Variants in SNRPC observed in about 807,000 individuals in gnomAD.
The protein encoded by SNRPC is small nuclear ribonucleoprotein polypeptide C.
A neutral mutation model predicts 20.0 loss-of-function variants in SNRPC; 5 were observed. The ratio of observed to expected loss-of-function variants is 0.25; its 90% confidence interval spans 0.13 to 0.53. The LOEUF is 0.53. Ranked by LOEUF, SNRPC falls within the 20% of genes least tolerant of loss-of-function variation. The pLI, the probability that SNRPC is intolerant of heterozygous loss-of-function variation, is 0.96. For synonymous variants in SNRPC, 61 were observed against 58.7 expected, an observed-to-expected ratio of 1.04 and a Z score of -0.18; for missense variants, 112 against 224.1, an observed-to-expected ratio of 0.50 and a Z score of 3.19.
chr6:34,762,825 G>C, intron 3 of SNRPC, 122 bp downstream of exon 3: 1 of 642,000 alleles, frequency 1.6e-6, no homozygotes, highest in Non-Finnish European at 2.8e-6. Flanking sequence ...TGGATGTGTC[G>C]AATGAAAGAA....
At chr6:34,757,864 G>A (rs1375571187) in intron 1 of SNRPC, 48 bp from the exon 2 acceptor site, 5 of 1,594,696 alleles carry the variant, frequency 3.1e-6, no homozygotes, top group Non-Finnish European at 4.3e-6. Flanking sequence ...CCGTGGATGG[G>A]CATCTCAGTG....
Position 34,768,007 on chromosome 6 carries a change from A to T in SNRPC, c.250+10A>T, listed in dbSNP as rs1348017206. 6.2e-7 allele frequency: 1 copy of T among 1,607,590 alleles called. No homozygotes were observed. The highest frequency in any genetic ancestry group is 1.7e-5 in the Admixed American group (1 of 58,584). ...CCTCCCCCCAGCCTTCGTAAGTTTA[A>T]ACTTTTAATCTTAAGGGGTGTGACG... On this transcript the variant is annotated intron_variant, in intron 4 of 5. Transcript: ENST00000244520.
chr6:34,764,506 C>A (rs1394983041), intron 3 of SNRPC, among the ~76,000 whole-genome samples: 2 of 148,166 alleles, frequency 1.3e-5, no homozygotes, highest in African/African-American at 2.5e-5. Flanking sequence ...CAACAAAAAA[C>A]AAAAAATTCA....
intron 3 of SNRPC, among the ~76,000 whole-genome samples, chr6:34,767,649 A>G (rs1006178357): frequency 3.3e-5 from 5 of 152,178 alleles, no homozygotes; most frequent in African/African-American, 1.2e-4. Context: ...TTTTTGCTCC[A>G]GTCTCCCATA....
intron 2 of SNRPC, 63 bp downstream of exon 2, chr6:34,758,017 T>G: frequency 1.3e-6 from 2 of 1,552,642 alleles, no homozygotes; most frequent in South Asian, 2.4e-5. Context: ...ATGAGTTTTG[T>G]GTTTTTTTTA....
intron 4 of SNRPC, 131 bp from the exon 5 acceptor site, chr6:34,770,160 T>G (rs757257987): frequency 1.4e-6 from 1 of 723,710 alleles, no homozygotes; most frequent in Non-Finnish European, 2.5e-6. Context: ...AGGCAGAGGT[T>G]GTGGTGAGCC....
chr6:34,757,556 G>T lies in SNRPC; in HGVS notation c.8+5G>T. 1 of 1,613,280 alleles carries T rather than the reference G, an allele frequency of 6.2e-7. No homozygotes were observed. The highest frequency in any genetic ancestry group is 8.5e-7 in the Non-Finnish European group (1 of 1,179,248). ...CCTGCAGAGCAACATGCCCAAGTGA[G>T]TGGGGCCCCGAAATCTGAGGGTGAT... On this transcript the variant is annotated splice_donor_5th_base_variant and intron_variant, in intron 1 of 5. Transcript: ENST00000244520.
At chr6:34,767,010 T>C (rs1764622069) in intron 3 of SNRPC, among the ~76,000 whole-genome samples, 1 of 152,166 alleles carries the variant, frequency 6.6e-6, no homozygotes, top group Admixed American at 6.6e-5. Context: ...TGTTTTCTCT[T>C]GTGCTTCATC....
chr6:34,773,166 G>A lies in SNRPC; in HGVS notation c.356-280G>A, dbSNP rs1473609759. ...AGTTTAGGGAACTAGTGTCCCTGGC[G>A]ATTTCTGGAAAGCAGTCTATTAATA... On this transcript the variant is annotated intron_variant, in intron 5 of 5. Transcript: ENST00000244520. The surrounding 1 kb of genome is among the most constrained non-coding windows in gnomAD (Gnocchi z 4.1). Among the ~76,000 whole-genome samples, 1 of 152,132 alleles carries A rather than the reference G, an allele frequency of 6.6e-6. No individual in the cohort carries two copies. Among genetic ancestry groups the A allele is most frequent in the African/African-American group, 2.4e-5 (1 of 41,440 alleles).
At chr6:34,758,035 A>T in intron 2 of SNRPC, 81 bp downstream of exon 2, 1 of 1,474,628 alleles carries the variant, frequency 6.8e-7, no homozygotes, top group Non-Finnish European at 9.2e-7. Context: ...TTAAGTTGCA[A>T]GTTGTGCTTT....
Position 34,773,330 on chromosome 6 carries a change from C to T in SNRPC, c.356-116C>T. 1.2e-6 allele frequency: 1 copy of T among 812,486 alleles called. No individual in the cohort carries two copies. Among genetic ancestry groups the T allele is most frequent in the Non-Finnish European group, 1.9e-6 (1 of 526,168 alleles). The allele number at this position is 812,486 out of a possible 1,614,324, so 50.3% of individuals were successfully genotyped here. A position where few individuals can be genotyped will look rare whatever the true frequency, so the allele number is the denominator to read the frequency against. On this transcript the variant is annotated intron_variant, in intron 5 of 5. Coordinates refer to ENST00000244520, the MANE Select transcript of SNRPC (RefSeq NM_003093.3). The surrounding 1 kb of genome is among the most constrained non-coding windows in gnomAD (Gnocchi z 4.1). The stretch of plus-strand genomic sequence containing the variant: ...TTCTTCTGTCACGTGTGTCTTTTTT[C>T]CAGCATTTTGCAAGGGGGGCTACGT...
intron 2 of SNRPC, among the ~76,000 whole-genome samples, chr6:34,760,111 C>CT (rs201265600): frequency 0.012 from 1,509 of 123,380 alleles, 16 homozygotes; most frequent in African/African-American, 0.02. Flanking sequence ...TGTATATTAT[C>CT]TTTTTTTTTT....
At chr6:34,771,290 C>G (rs553105827) in intron 5 of SNRPC, among the ~76,000 whole-genome samples, 4 of 145,672 alleles carry the variant, frequency 2.7e-5, no homozygotes, top group Non-Finnish European at 5.9e-5. Context: ...TATTGTGCCA[C>G]TGCACTCCAG....
chr6:34,760,137 G>T (rs1764515821), intron 2 of SNRPC, among the ~76,000 whole-genome samples: 1 of 141,398 alleles, frequency 7.1e-6, no homozygotes, highest in Non-Finnish European at 1.5e-5. Context: ...TTTTGAGATG[G>T]AGTCTTGCTT....
At chr6:34,760,017 CAT>C (rs1318542026) in intron 2 of SNRPC, among the ~76,000 whole-genome samples, 1 of 151,862 alleles carries the variant, frequency 6.6e-6, no homozygotes, top group African/African-American at 2.4e-5. Context: ...TTCTTTCTAA[CAT>C]ATGGTCAGAT....
At chr6:34,759,833 C>T (rs1169285237) in intron 2 of SNRPC, among the ~76,000 whole-genome samples, 1 of 152,218 alleles carries the variant, frequency 6.6e-6, no homozygotes, top group African/African-American at 2.4e-5. Context: ...ATACCTTGAA[C>T]ACTGCAGCTC....
intron 3 of SNRPC, among the ~76,000 whole-genome samples, chr6:34,766,572 G>A (rs767959671): frequency 2.6e-5 from 4 of 152,102 alleles, no homozygotes; most frequent in African/African-American, 4.8e-5. Context: ...TTTGAGAATG[G>A]GGGGGAGCCC....
chr6:34,761,513 A>ATTTTTT (rs869059984), intron 2 of SNRPC, among the ~76,000 whole-genome samples: 20 of 85,642 alleles, frequency 2.3e-4, no homozygotes, highest in Non-Finnish European at 3.4e-4. Flanking sequence ...ACAAGGAACA[A>ATTTTTT]TTTTTTTTTT....
chr6:34,771,662 G>A (rs1160679367), intron 5 of SNRPC, among the ~76,000 whole-genome samples: 1 of 152,124 alleles, frequency 6.6e-6, no homozygotes, highest in Non-Finnish European at 1.5e-5. Flanking sequence ...ACATAATCAG[G>A]TTTGGGAACA....
Sources: allele counts gnomAD v4.1 joint callset (sites outside exome capture counted in the v4.1 genomes callset), GRCh38; gene constraint gnomAD v4.1.1; non-coding constraint Gnocchi (gnomAD v3.1); transcripts MANE v1.5; gene names NCBI Gene and HGNC (gene_info 2026-07-23, HGNC 2026-07-21).